Variants in USP9Y observed in about 807,000 individuals in gnomAD.
USP9Y encodes ubiquitin carboxyl-terminal hydrolase 9Y.
Under a neutral mutation model 53.1 loss-of-function variants are expected in USP9Y, and 41 were observed. The ratio of observed to expected loss-of-function variants is 0.77; its 90% CI spans 0.60 to 1.00. USP9Y has a LOEUF of 1.00. USP9Y is among the 50% of genes least tolerant of loss of function. The pLI, the probability that USP9Y is intolerant of heterozygous loss-of-function variation, is 0.00. For missense variants in USP9Y, 567 were observed against 535.8 expected, an observed-to-expected ratio of 1.06 and a Z score of -0.58; for synonymous variants, 220 against 173.7, an observed-to-expected ratio of 1.27 and a Z score of -2.09.
At position 12,859,625 on chromosome Y, in the gene USP9Y, A is replaced by G. The variant is rs2053582110; in HGVS notation, c.*209A>G. ...TGAAGTGTACAGAGTTTTGTAACAA[A>G]TGACTGGTCCTAATCTGTAAATGAG... On this transcript the variant is annotated 3_prime_UTR_variant, in exon 46 of 46. Transcript: ENST00000338981. 8.3e-6 allele frequency: 1 copy of G among 120,299 alleles called. No homozygotes were observed. Among genetic ancestry groups the G allele is most frequent in the Non-Finnish European group, 1.6e-5 (1 of 60,941 alleles). 30.0% of individuals were successfully genotyped at this position (120,299 alleles called of 400,897 possible).
intron 7 of USP9Y, among the ~76,000 whole-genome samples, chrY:12,733,778 G>A (rs1021067648): frequency 1.8e-4 from 6 of 32,468 alleles, no homozygotes; most frequent in Non-Finnish European, 7.5e-5. Context: ...CTCCCAAAGT[G>A]CTAGGATGAC....
In USP9Y at chrY:12,859,392, C is replaced by T. The variant is rs2053581505; in HGVS notation, c.7644C>T (p.Ser2548=). The change falls in exon 46 of 46, where the codon TCC becomes TCT. Residue 2548 remains serine (S), a synonymous_variant. Transcript: ENST00000338981. ...QENYEGNEEV[S]SPQMKDQ ...ATTATGAAGGCAATGAAGAAGTATC[C>T]TCACCTCAGATGAAGGATCAGTGAA... 1 of 395,730 alleles carries T rather than the reference C, an allele frequency of 2.5e-6. No homozygotes were observed. The highest frequency in any genetic ancestry group is 3.5e-6 in the Non-Finnish European group (1 of 282,727).
chrY:12,759,984 A>G (rs2053473489), intron 14 of USP9Y, among the ~76,000 whole-genome samples: 2 of 34,079 alleles, frequency 5.9e-5, no homozygotes, highest in African/African-American at 2.3e-4. Flanking sequence ...TTCTCTATCT[A>G]TATCGTTTGT....
In USP9Y at chrY:12,773,846, G is replaced by A; in HGVS notation, c.2252G>A (p.Arg751Gln). 5.0e-6 allele frequency: 2 copies of A among 398,011 alleles called. No homozygotes were observed. The highest frequency in any genetic ancestry group is 7.1e-6 in the Non-Finnish European group (2 of 283,162). Residue 751 changes from arginine to glutamine, a missense_variant, in exon 17 of 46, where the codon CGA (arginine) becomes CAA (glutamine). Coordinates refer to ENST00000338981, the MANE Select transcript of USP9Y (RefSeq NM_004654.4). ...AGATTTTTCAAAGCTGTCAATTGTC[G>A]AGAAAGGAAACTAATAGCAAAAAGA... ...FERFFKAVNC[R>Q]ERKLIAKRRS...
intron 15 of USP9Y, among the ~76,000 whole-genome samples, chrY:12,763,036 G>A (rs2053476885): frequency 3.0e-5 from 1 of 33,150 alleles, no homozygotes; most frequent in Non-Finnish European, 7.5e-5. Context: ...TTCAAGCATA[G>A]GATGTAATAT....
intron 7 of USP9Y, among the ~76,000 whole-genome samples, chrY:12,729,575 G>A: frequency 1.2e-4 from 4 of 32,422 alleles, no homozygotes; most frequent in African/African-American, 4.9e-4. Flanking sequence ...GGAGTAGCTA[G>A]GATTACAGGT....
chrY:12,804,774 A>G (rs1042646975), intron 27 of USP9Y, among the ~76,000 whole-genome samples: 1 of 32,670 alleles, frequency 3.1e-5, no homozygotes, highest in East Asian at 7.9e-4. Flanking sequence ...TCTGGCCAAC[A>G]TGGTGTAACC....
chrY:12,807,097 T>G, intron 27 of USP9Y, among the ~76,000 whole-genome samples: 4 of 31,614 alleles, frequency 1.3e-4, no homozygotes, highest in Non-Finnish European at 3.1e-4. Context: ...TGTGTACTTG[T>G]TAGGTTTTTC....
In USP9Y at chrY:12,778,218, G is replaced by A. The variant is rs866689273; in HGVS notation, c.2839G>A (p.Asp947Asn). ...VGGELIDSED[D>N]RKLIGQLNLK... ...TGGTGAGCTGATAGATTCTGAAGAT[G>A]ACAGAAAGCTAATTGGACAATTAAA... is the stretch of plus-strand genomic sequence containing the variant. The change falls in exon 20 of 46, where the codon GAC becomes AAC. Residue 947 changes from aspartate (D) to asparagine (N), a missense_variant. Coordinates refer to ENST00000338981, the MANE Select transcript of USP9Y (RefSeq NM_004654.4). 4 of 392,844 alleles carry A rather than the reference G, an allele frequency of 1.0e-5. No homozygotes were observed. The highest frequency in any genetic ancestry group is 1.1e-5 in the Non-Finnish European group (3 of 279,248).
At chrY:12,756,406 T>A (rs538622736) in intron 12 of USP9Y, among the ~76,000 whole-genome samples, 10 of 33,050 alleles carry the variant, frequency 3.0e-4, no homozygotes, top group African/African-American at 1.2e-3. Context: ...TTTTCTTATC[T>A]GCACCTACTA....
chrY:12,792,986 C>T, intron 26 of USP9Y, 46 bp from the exon 27 acceptor site: 1 of 379,649 alleles, frequency 2.6e-6, no homozygotes, highest in Non-Finnish European at 3.7e-6. Context: ...TGAATTTCTT[C>T]TTGAATATGT....
chrY:12,766,239 C>T, intron 15 of USP9Y, among the ~76,000 whole-genome samples: 1 of 33,579 alleles, frequency 3.0e-5, no homozygotes, highest in African/African-American at 1.2e-4. Flanking sequence ...TCATGATCTT[C>T]TCTCTGTTAG....
At chrY:12,720,837 A>G in intron 4 of USP9Y, 100 bp downstream of exon 4, 1 of 237,484 alleles carries the variant, frequency 4.2e-6, no homozygotes, top group South Asian at 3.7e-5. Flanking sequence ...AAAAGAAAAG[A>G]GTAGATTGTA....
intron 10 of USP9Y, 131 bp downstream of exon 10, chrY:12,736,680 TATA>T (rs746726501): frequency 4.9e-4 from 71 of 145,722 alleles, no homozygotes; most frequent in African/African-American, 4.0e-3. Context: ...AAGATCTTTT[TATA>T]ATAATAATAA....
chrY:12,807,862 G>A, intron 27 of USP9Y, among the ~76,000 whole-genome samples: 1 of 32,859 alleles, frequency 3.0e-5, no homozygotes, highest in African/African-American at 1.2e-4. Context: ...GTTATTGAAG[G>A]CTTAGCTTGC....
At position 12,812,915 on chromosome Y, in the gene USP9Y, T is replaced by A. The variant is rs773049545; in HGVS notation, c.4472T>A (p.Ile1491Asn). ...RSGELPAEQAIPVCSSPVTIN... is the reference protein window; with the variant it reads ...RSGELPAEQANPVCSSPVTIN... The stretch of plus-strand genomic sequence containing the variant: ...GGAGAACTACCAGCTGAGCAGGCTA[T>A]TCCAGTCTGTAGTTCACCCGTTACC... Residue 1491 changes from isoleucine to asparagine, a missense_variant, in exon 31 of 46, where the codon ATT (isoleucine) becomes AAT (asparagine). Coordinates refer to ENST00000338981, the MANE Select transcript of USP9Y (RefSeq NM_004654.4). 4.5e-5 allele frequency: 18 copies of A among 396,372 alleles called. No homozygotes were observed. Among genetic ancestry groups the A allele is most frequent in the Non-Finnish European group, 6.0e-5 (17 of 282,533 alleles).
intron 19 of USP9Y, among the ~76,000 whole-genome samples, chrY:12,777,534 T>C (rs762230896): frequency 3.0e-5 from 1 of 33,637 alleles, no homozygotes; most frequent in South Asian, 6.5e-4. Flanking sequence ...TAATACTGTT[T>C]ATTTTGCATC....
Position 12,856,738 on chromosome Y carries a change from T to C in USP9Y, c.7327T>C (p.Trp2443Arg), listed in dbSNP as rs377207666. 4 of 394,699 alleles carry C rather than the reference T, an allele frequency of 1.0e-5. No individual in the cohort carries two copies. In the African/African-American group the frequency reaches 2.0e-4, roughly 19 times the overall value. The stretch of plus-strand genomic sequence containing the variant: ...CAATCCTCAGTATAGTTACAACAAT[T>C]GGTCTCCTCCAGTACAAAGCAATGA... ...TGNPQYSYNN[W>R]SPPVQSNETA... The change falls in exon 44 of 46, where the codon TGG becomes CGG. Residue 2443 changes from tryptophan (W) to arginine (R), a missense_variant. Coordinates refer to ENST00000338981, the MANE Select transcript of USP9Y (RefSeq NM_004654.4).
chrY:12,759,798 C>A (rs2053473293), intron 14 of USP9Y, among the ~76,000 whole-genome samples: 1 of 32,255 alleles, frequency 3.1e-5, no homozygotes, highest in African/African-American at 1.2e-4. Flanking sequence ...TATAATTATG[C>A]CCCAAAGAGA....
Sources: allele counts gnomAD v4.1 joint callset (sites outside exome capture counted in the v4.1 genomes callset), GRCh38; gene constraint gnomAD v4.1.1; transcripts MANE v1.5; gene names NCBI Gene and HGNC (gene_info 2026-07-23, HGNC 2026-07-21).